CALD1: variants seen among roughly 807,000 people sequenced by gnomAD.
CALD1 encodes the protein caldesmon 1, also known as caldesmon.
Under a neutral mutation model 99.9 loss-of-function variants are expected in CALD1, and 33 were observed. The observed-to-expected ratio is 0.33, with a 90% confidence interval of 0.25 to 0.44. The LOEUF is 0.44. CALD1 is among the 20% of genes least tolerant of loss of function. The probability of loss-of-function intolerance (pLI) is 1.00; values close to 1 mark genes in which losing one functional copy is unlikely to be tolerated. For missense variants in CALD1, 861 were observed against 962.1 expected, an observed-to-expected ratio of 0.89 and a Z score of 1.39; for synonymous variants, 310 against 325.0, an observed-to-expected ratio of 0.95 and a Z score of 0.50.
At chr7:134,923,084 A>AAC (rs1232614877) in intron 3 of CALD1, among the ~76,000 whole-genome samples, 4 of 152,122 alleles carry the variant, frequency 2.6e-5, no homozygotes, top group Non-Finnish European at 5.9e-5. Context: ...CGTCAGTGTG[A>AAC]ACACACACAC....
chr7:134,828,275 A>G (rs1051207565), intron 1 of CALD1, among the ~76,000 whole-genome samples: 3 of 152,228 alleles, frequency 2.0e-5, no homozygotes, highest in Non-Finnish European at 4.4e-5. Flanking sequence ...AAAGCAATAG[A>G]GACAAATGTG....
At chr7:134,929,034 C>G (rs1805283497) in intron 4 of CALD1, 134 bp downstream of exon 4, 1 of 792,950 alleles carries the variant, frequency 1.3e-6, no homozygotes, top group South Asian at 2.1e-5. Context: ...AATTATTTTG[C>G]AGTCATTTTA....
chr7:134,722,710 G>A, the CALD1 span, among the ~76,000 whole-genome samples: 6 of 152,210 alleles, frequency 3.9e-5, no homozygotes, highest in East Asian at 3.9e-4. Flanking sequence ...GTGAACCACC[G>A]TGCCTGGCCT....
At chr7:134,758,504 GT>G (rs1796748681) in intron 1 of CALD1, among the ~76,000 whole-genome samples, 11 of 73,126 alleles carry the variant, frequency 1.5e-4, no homozygotes, top group South Asian at 3.8e-4. Flanking sequence ...CCATTGGGGT[GT>G]GTGTGTGTGT....
chr7:134,826,527 C>T (rs1024935422), intron 1 of CALD1, among the ~76,000 whole-genome samples: 1 of 152,060 alleles, frequency 6.6e-6, no homozygotes, highest in African/African-American at 2.4e-5. Flanking sequence ...TTGTGACTTG[C>T]CTGAGGTCAC....
At chr7:134,786,642 T>A (rs1797317838) in intron 1 of CALD1, among the ~76,000 whole-genome samples, 1 of 152,142 alleles carries the variant, frequency 6.6e-6, no homozygotes, top group Non-Finnish European at 1.5e-5. Context: ...CACGGCAGAA[T>A]CTCAATAAAT....
chr7:134,713,301 C>T, the CALD1 span, among the ~76,000 whole-genome samples: 3 of 152,216 alleles, frequency 2.0e-5, no homozygotes, highest in African/African-American at 7.2e-5. Context: ...CCTATTCCTT[C>T]TCACCTGGAT....
At chr7:134,769,704 CT>C (rs1796861659) in intron 1 of CALD1, among the ~76,000 whole-genome samples, 1 of 152,058 alleles carries the variant, frequency 6.6e-6, no homozygotes, top group African/African-American at 2.4e-5. Context: ...GTGGTGTGAT[CT>C]TGGCTCCCTG....
At chr7:134,777,809 A>T (rs1475015507), upstream of CALD1, among the ~76,000 whole-genome samples, 1 of 152,218 alleles carries the variant, frequency 6.6e-6, no homozygotes, top group Non-Finnish European at 1.5e-5. Context: ...CAAGCCCAGC[A>T]GTTTACCAGA....
At chr7:134,775,482 C>T (rs1488650077), upstream of CALD1, among the ~76,000 whole-genome samples, 2 of 152,092 alleles carry the variant, frequency 1.3e-5, no homozygotes, top group African/African-American at 4.8e-5. Context: ...GAGGCCGAGG[C>T]GGGTGGATCA....
At chr7:134,832,216 G>C (rs1259419694) in intron 1 of CALD1, among the ~76,000 whole-genome samples, 1 of 152,196 alleles carries the variant, frequency 6.6e-6, no homozygotes, top group Non-Finnish European at 1.5e-5. Context: ...CCAGAAAGCT[G>C]TTTCTCTCTG....
the CALD1 span, among the ~76,000 whole-genome samples, chr7:134,728,063 A>G: frequency 6.6e-6 from 1 of 152,176 alleles, no homozygotes; most frequent in South Asian, 2.1e-4. Context: ...TTAAATGCCA[A>G]CTGATTTTCT....
At chr7:134,938,423 G>A (rs924482872) in intron 6 of CALD1, among the ~76,000 whole-genome samples, 1 of 152,096 alleles carries the variant, frequency 6.6e-6, no homozygotes, top group African/African-American at 2.4e-5. Context: ...AATATCTAGA[G>A]TTTCAAAACC....
chr7:134,723,440 C>T, the CALD1 span, among the ~76,000 whole-genome samples: 152 of 151,584 alleles, frequency 1.0e-3, 4 homozygotes, highest in Admixed American at 2.4e-3. Flanking sequence ...TACCACTGCT[C>T]TTGGCACCCT....
intron 1 of CALD1, among the ~76,000 whole-genome samples, chr7:134,787,735 C>T (rs1797361344): frequency 6.6e-6 from 1 of 152,126 alleles, no homozygotes; most frequent in South Asian, 2.1e-4. Flanking sequence ...ATTACATCCT[C>T]TGTATTGCAC....
At chr7:134,895,094 G>GAAAT (rs199802906) in intron 3 of CALD1, among the ~76,000 whole-genome samples, 20,383 of 142,862 alleles carry the variant, frequency 0.14, 1,497 homozygotes, top group Middle Eastern at 0.17. Flanking sequence ...ACAGTGCTGG[G>GAAAT]AAATAAATAA....
rs542120324 is a variant in CALD1 at position 134,891,844 on chromosome 7, C to T, written c.71+24040C>T. Among the ~76,000 whole-genome samples, 3 of 149,780 alleles carry T rather than the reference C, an allele frequency of 2.0e-5. No individual in the cohort carries two copies. In the East Asian group the frequency reaches 6.0e-4, roughly 30 times the overall value. On this transcript the variant is annotated intron_variant, in intron 3 of 14. Coordinates refer to ENST00000361675, the MANE Select transcript of CALD1 (RefSeq NM_033138.4). ...GTGAGTGTGTGAGTTTCAGACCTGT[C>T]TGAAACTTTCTGGTTTCCACTTCAT...
chr7:134,955,807 T>C (rs962621475), intron 9 of CALD1, among the ~76,000 whole-genome samples: 6 of 152,248 alleles, frequency 3.9e-5, no homozygotes, highest in Non-Finnish European at 8.8e-5. Flanking sequence ...TATTTATTAG[T>C]ATTCAATTTT....
At chr7:134,751,290 TTATTAG>T (rs1255709509) in intron 1 of CALD1, among the ~76,000 whole-genome samples, 12 of 152,220 alleles carry the variant, frequency 7.9e-5, no homozygotes, top group Non-Finnish European at 1.2e-4. Flanking sequence ...ATGACACCTA[TTATTAG>T]TATAATGGTT....
Sources: gnomAD v4.1 joint callset for allele counts (sites outside exome capture counted in the v4.1 genomes callset) on GRCh38, gnomAD v4.1.1 for gene constraint, MANE v1.5 for transcripts, NCBI Gene and HGNC (gene_info 2026-07-23, HGNC 2026-07-21) for gene names.